PRRX2: variants seen among roughly 807,000 people sequenced by gnomAD.
The protein encoded by PRRX2 is paired mesoderm homeobox protein 2.
PRRX2 carries 11 observed loss-of-function variants against 18.0 expected under a neutral mutation model. The ratio of observed to expected loss-of-function variants is 0.61; its 90% CI spans 0.39 to 1.01. The LOEUF (loss-of-function observed/expected upper bound fraction) is 1.01. Among genes scored for constraint, PRRX2 ranks in the 50% least tolerant of loss-of-function variants. The pLI is 0.01. For synonymous variants in PRRX2, 177 were observed against 154.8 expected (o/e 1.14, Z -1.06); for missense variants, 387 against 351.0 (o/e 1.10, Z -0.82).
At chr9:129,666,194 C>G in intron 1 of PRRX2, 68 bp downstream of exon 1, 4 of 969,186 alleles carry the variant, frequency 4.1e-6, no homozygotes, top group Non-Finnish European at 4.9e-6. Context: ...GGCGCGGGGT[C>G]CGGGGAGCCG....
At chr9:129,703,653 G>A (rs1340158199) in intron 1 of PRRX2, among the ~76,000 whole-genome samples, 1 of 152,086 alleles carries the variant, frequency 6.6e-6, no homozygotes, top group Non-Finnish European at 1.5e-5. Flanking sequence ...GCATAATAAA[G>A]TGGGTTAAAT....
At chr9:129,711,508 C>T (rs1832620305) in intron 1 of PRRX2, among the ~76,000 whole-genome samples, 1 of 147,080 alleles carries the variant, frequency 6.8e-6, no homozygotes, top group Admixed American at 7.1e-5. Context: ...CGGGTTTAAG[C>T]AATTCTCATG....
chr9:129,717,525 G>C (rs1385114673), intron 1 of PRRX2, among the ~76,000 whole-genome samples: 1 of 151,794 alleles, frequency 6.6e-6, no homozygotes, highest in Non-Finnish European at 1.5e-5. Context: ...GTGAAACTCT[G>C]TTTCTACTAA....
chr9:129,687,864 A>T (rs1031298566), intron 1 of PRRX2, among the ~76,000 whole-genome samples: 5 of 152,200 alleles, frequency 3.3e-5, no homozygotes, highest in Admixed American at 6.5e-5. Flanking sequence ...ACCTGATGAC[A>T]GTAGCCCCCT....
chr9:129,698,002 C>T lies in PRRX2; in HGVS notation c.260-21229C>T, dbSNP rs1033393434. Among the ~76,000 whole-genome samples the T allele has an allele frequency of 5.3e-5, 8 of 151,854 alleles. No homozygotes were observed. In the South Asian group the frequency reaches 1.2e-3, roughly 24 times the overall value. ...CCGGGATTCGGAAGGGGGCTTTTCA[C>T]CCACTGGGTGAGTACAAGGGCTTCA... On this transcript the variant is annotated intron_variant, in intron 1 of 3. Coordinates refer to ENST00000372469, the MANE Select transcript of PRRX2 (RefSeq NM_016307.4).
At chr9:129,700,232 A>G (rs1467978329) in intron 1 of PRRX2, among the ~76,000 whole-genome samples, 1 of 151,964 alleles carries the variant, frequency 6.6e-6, no homozygotes, top group East Asian at 1.9e-4. Flanking sequence ...TAACTTCCTC[A>G]GGGTCACACA....
At position 129,716,580 on chromosome 9, in the gene PRRX2, G is replaced by C. The variant is rs555053311; in HGVS notation, c.260-2651G>C. On this transcript the variant is annotated intron_variant, in intron 1 of 3. Coordinates refer to ENST00000372469, the MANE Select transcript of PRRX2 (RefSeq NM_016307.4). Reference sequence around the variant, plus strand: ...AGTGATTCTCCTGCCTCAGCCTCCAGAGTAGCTGGGATTACAGGCATGCAC... The same window carrying C: ...AGTGATTCTCCTGCCTCAGCCTCCACAGTAGCTGGGATTACAGGCATGCAC... Among the ~76,000 whole-genome samples, 7 of 151,670 alleles carry C rather than the reference G, an allele frequency of 4.6e-5. 1 individual carries two copies. The South Asian group carries it at 1.0e-3, about 23-fold the overall frequency.
intron 1 of PRRX2, among the ~76,000 whole-genome samples, chr9:129,711,177 G>A (rs1832613051): frequency 6.6e-6 from 1 of 152,126 alleles, no homozygotes; most frequent in African/African-American, 2.4e-5. Flanking sequence ...GGTGACTCAG[G>A]CAGCAGTGTG....
rs58075387 is a variant in PRRX2, at chr9:129,672,288, C to T, written c.259+6162C>T. On this transcript the variant is annotated intron_variant, in intron 1 of 3. Coordinates refer to ENST00000372469, the MANE Select transcript of PRRX2 (RefSeq NM_016307.4). Reference sequence around the variant, plus strand: ...CGTGAGGGGACGTGGTGAGAGTGACCGGGAAGCCTCGTGGGCACAGCAGCT... The same window carrying T: ...CGTGAGGGGACGTGGTGAGAGTGACTGGGAAGCCTCGTGGGCACAGCAGCT... 8.3e-4 allele frequency among the ~76,000 whole-genome samples: 127 copies of T among 152,212 alleles called. 1 individual carries two copies. The East Asian group carries it at 0.022, about 26-fold the overall frequency.
At chr9:129,673,070 G>C (rs924197055) in intron 1 of PRRX2, among the ~76,000 whole-genome samples, 2 of 152,160 alleles carry the variant, frequency 1.3e-5, no homozygotes, top group Non-Finnish European at 2.9e-5. Context: ...TTAAAGGTTT[G>C]CCAAGAAAAG....
chr9:129,711,708 C>T (rs531311414), intron 1 of PRRX2, among the ~76,000 whole-genome samples: 1 of 152,218 alleles, frequency 6.6e-6, no homozygotes, highest in Non-Finnish European at 1.5e-5. Flanking sequence ...GGCGCCCGGC[C>T]TCAGGTGAGA....
intron 1 of PRRX2, among the ~76,000 whole-genome samples, chr9:129,687,958 C>T (rs1832315799): frequency 6.6e-6 from 1 of 152,212 alleles, no homozygotes; most frequent in Admixed American, 6.5e-5. Flanking sequence ...TGCAGTGGTG[C>T]AATCACTGCT....
intron 1 of PRRX2, among the ~76,000 whole-genome samples, chr9:129,703,906 G>A (rs1383652668): frequency 1.3e-5 from 2 of 152,244 alleles, no homozygotes; most frequent in Non-Finnish European, 1.5e-5. Flanking sequence ...CCAGGGGCAC[G>A]GCAGGTCCCG....
rs73670178 is a variant in PRRX2 at position 129,709,503 on chromosome 9, G to A, written c.260-9728G>A. Among the ~76,000 whole-genome samples, 21,385 of 152,172 alleles carry A rather than the reference G, an allele frequency of 0.14. 1,995 individuals carry two copies. The highest frequency in any genetic ancestry group is 0.33 in the East Asian group (1,724 of 5,152). On this transcript the variant is annotated intron_variant, in intron 1 of 3. Coordinates refer to ENST00000372469, the MANE Select transcript of PRRX2 (RefSeq NM_016307.4). This position sits in a 1 kb window ranked among gnomAD's most constrained non-coding sequence, Gnocchi z 4.2. The stretch of plus-strand genomic sequence containing the variant: ...CAGGGCTGGGAGCAGGTCAGAGCAC[G>A]GCAGTCCCAGGTTGGGTGGCCCATG...
chr9:129,708,411 C>A (rs751329841), intron 1 of PRRX2, among the ~76,000 whole-genome samples: 1 of 152,114 alleles, frequency 6.6e-6, no homozygotes, highest in Non-Finnish European at 1.5e-5. Context: ...TTTGCATTTC[C>A]CTGCTGGCTG....
At chr9:129,698,826 G>A (rs1442709369) in intron 1 of PRRX2, among the ~76,000 whole-genome samples, 2 of 152,230 alleles carry the variant, frequency 1.3e-5, no homozygotes, top group Admixed American at 6.5e-5. Flanking sequence ...TTCCCACCCT[G>A]CCTGCTGGAC....
intron 1 of PRRX2, among the ~76,000 whole-genome samples, chr9:129,702,849 A>C (rs1414384919): frequency 2.0e-5 from 3 of 152,242 alleles, no homozygotes; most frequent in African/African-American, 7.2e-5. Flanking sequence ...CAGCCTCTTC[A>C]CGTGGCAAAG....
chr9:129,683,333 CAG>C (rs1832257414), intron 1 of PRRX2, among the ~76,000 whole-genome samples: 2 of 152,148 alleles, frequency 1.3e-5, no homozygotes, highest in South Asian at 4.1e-4. Flanking sequence ...AGATGAGAAA[CAG>C]AGGCTCCTTC....
At chr9:129,678,477 G>T (rs1832188808) in intron 1 of PRRX2, among the ~76,000 whole-genome samples, 2 of 152,342 alleles carry the variant, frequency 1.3e-5, no homozygotes, top group Middle Eastern at 3.4e-3. Flanking sequence ...ACACGACGGG[G>T]CCCCTACATT....
Sources: allele counts gnomAD v4.1 joint callset (sites outside exome capture counted in the v4.1 genomes callset), GRCh38; gene constraint gnomAD v4.1.1; non-coding constraint Gnocchi (gnomAD v3.1); transcripts MANE v1.5; gene names NCBI Gene and HGNC (gene_info 2026-07-23, HGNC 2026-07-21).